The following FGD5 variants were observed in gnomAD, a reference collection of about 807,000 sequenced individuals.
FGD5 encodes the protein FYVE, RhoGEF and PH domain-containing protein 5.
Under a neutral mutation model 133.4 loss-of-function variants are expected in FGD5, and 28 were observed. The observed-to-expected ratio is 0.21, with a 90% CI of 0.16 to 0.29. FGD5 has a LOEUF of 0.29. FGD5 is among the 10% of genes least tolerant of loss of function. The probability of loss-of-function intolerance (pLI) is 1.00; values close to 1 mark genes in which losing one functional copy is unlikely to be tolerated. For synonymous variants in FGD5, 810 were observed against 776.5 expected (o/e 1.04, Z -0.72); for missense variants, 1,858 against 1,895.2 (o/e 0.98, Z 0.36).
At chr3:14,903,389 C>A (rs902080469) in intron 9 of FGD5, among the ~76,000 whole-genome samples, 20 of 151,912 alleles carry the variant, frequency 1.3e-4, no homozygotes, top group Admixed American at 9.8e-4. Context: ...TTTTAGGGTA[C>A]ATGTGCACAA....
At chr3:14,903,019 C>T (rs2038271652) in intron 9 of FGD5, among the ~76,000 whole-genome samples, 1 of 152,212 alleles carries the variant, frequency 6.6e-6, no homozygotes, top group Non-Finnish European at 1.5e-5. Flanking sequence ...CCAGAGGCCC[C>T]TAGCCCATGC....
At chr3:14,912,928 C>G (rs751682570) in intron 11 of FGD5, among the ~76,000 whole-genome samples, 1 of 151,974 alleles carries the variant, frequency 6.6e-6, no homozygotes, top group Non-Finnish European at 1.5e-5. Context: ...CCTAGCTACT[C>G]AGGAGGCAGA....
At chr3:14,857,240 C>T (rs1575211948) in intron 1 of FGD5, among the ~76,000 whole-genome samples, 1 of 149,280 alleles carries the variant, frequency 6.7e-6, no homozygotes, top group Non-Finnish European at 1.5e-5. Context: ...GCCTCCACCC[C>T]CCCAGGCTCA....
intron 10 of FGD5, 135 bp from the exon 11 acceptor site, chr3:14,910,726 G>A: frequency 1.5e-6 from 1 of 676,566 alleles, no homozygotes. Context: ...TATGATTTAA[G>A]TTTCCACTCA....
At position 14,821,377 on chromosome 3, in the gene FGD5, C is replaced by T. The variant is rs778185362; in HGVS notation, c.2306C>T (p.Ala769Val). 16 of 1,613,902 alleles carry T rather than the reference C, an allele frequency of 9.9e-6. No homozygotes were observed. The highest frequency in any genetic ancestry group is 8.0e-5 in the African/African-American group (6 of 74,916). Reference protein sequence around the residue: ...TKPRSISFPSADTSDYENIPA... With the variant: ...TKPRSISFPSVDTSDYENIPA... ...CCACGGTCCATCTCCTTCCCCAGCGCTGACACTTCAGACTATGAGAACATT... is the reference window on the plus strand; with the variant it reads ...CCACGGTCCATCTCCTTCCCCAGCGTTGACACTTCAGACTATGAGAACATT... Residue 769 changes from alanine (A) to valine (V), a missense_variant, in exon 1 of 20, where the codon GCT becomes GTT. Transcript: ENST00000285046.
chr3:14,844,116 C>T (rs2036980206), intron 1 of FGD5, among the ~76,000 whole-genome samples: 1 of 147,206 alleles, frequency 6.8e-6, no homozygotes, highest in Non-Finnish European at 1.5e-5. Flanking sequence ...AGTGGCTTGT[C>T]CAGGGTTGCA....
In FGD5 at chr3:14,924,073, G is replaced by A. The variant is rs112495230; in HGVS notation, c.4003G>A (p.Val1335Ile). The A allele has an allele frequency of 7.1e-4, 1,140 of 1,613,984 alleles. 5 individuals carry two copies. In the East Asian group the frequency reaches 9.8e-3, roughly 14 times the overall value. ...PRFSGSAFSS[V>I]FQSINPSTFK... ...CTTCTCGGGCAGTGCCTTTTCATCC[G>A]TCTTCCAGAGCATTAACCCCTCGAC... Residue 1335 changes from valine (V) to isoleucine (I), a missense_variant, in exon 17 of 20, where the codon GTC (valine) becomes ATC (isoleucine). By Grantham distance (29) the Val-to-Ile change is conservative. Around this residue, in one of 3 missense-constraint regions of FGD5, gnomAD observed 1,824 missense variants for 1,848.9 expected, o/e 0.99. Coordinates refer to ENST00000285046, the MANE Select transcript of FGD5 (RefSeq NM_152536.4).
chr3:14,882,240 A>G lies in FGD5; in HGVS notation c.2748+1468A>G, dbSNP rs563247218. ...TCTCCCTTATTTCTGGGCTGACAGC[A>G]TGACAGAGGGGCTGGGCAATTTTGT... On this transcript the variant is annotated intron_variant, in intron 4 of 19. Transcript: ENST00000285046. The G allele has an allele frequency of 1.5e-5, 14 of 946,670 alleles. No homozygotes were observed. In the South Asian group the frequency reaches 5.9e-4, roughly 40 times the overall value. 58.6% of individuals were successfully genotyped at this position (946,670 alleles called of 1,614,324 possible).
chr3:14,821,590 C>A lies in FGD5; in HGVS notation c.2519C>A (p.Ala840Glu). The stretch of plus-strand genomic sequence containing the variant: ...AAACAGCAGAGTGCAGACCAGGACG[C>A]AGAAAGGTACCTGACATTCTATTTC... ...ESKQQSADQDAESAYTEPYKV... is the reference protein window; with the variant it reads ...ESKQQSADQDEESAYTEPYKV... The change falls in exon 1 of 20, where the codon GCA (alanine) becomes GAA (glutamate). Residue 840 changes from alanine to glutamate, a missense_variant. By Grantham distance (107) the Ala-to-Glu change is moderately radical. Transcript: ENST00000285046. The A allele has an allele frequency of 6.3e-7, 1 of 1,587,744 alleles. No individual in the cohort carries two copies.
At chr3:14,867,893 T>C (rs1185245036) in intron 2 of FGD5, among the ~76,000 whole-genome samples, 1 of 151,774 alleles carries the variant, frequency 6.6e-6, no homozygotes, top group Non-Finnish European at 1.5e-5. Flanking sequence ...GATTGAGGAG[T>C]GGTCACCCTG....
intron 1 of FGD5, among the ~76,000 whole-genome samples, chr3:14,838,989 A>G (rs1256164328): frequency 6.6e-6 from 1 of 152,208 alleles, no homozygotes; most frequent in Non-Finnish European, 1.5e-5. Flanking sequence ...ACACAGTTGC[A>G]CAGCTTTGTA....
At chr3:14,911,883 G>C (rs2038455550) in intron 11 of FGD5, among the ~76,000 whole-genome samples, 1 of 151,286 alleles carries the variant, frequency 6.6e-6, no homozygotes, top group Non-Finnish European at 1.5e-5. Flanking sequence ...TGTCTGCTGG[G>C]TGCGCACACT....
intron 4 of FGD5, chr3:14,897,169 G>A (rs979437415): frequency 2.4e-5 from 6 of 248,320 alleles, no homozygotes; most frequent in Admixed American, 5.6e-5. Flanking sequence ...CTTCTGCTTC[G>A]TTATAGAAGG....
chr3:14,872,731 A>G (rs1205914155), intron 2 of FGD5, among the ~76,000 whole-genome samples: 1 of 152,268 alleles, frequency 6.6e-6, no homozygotes, highest in Non-Finnish European at 1.5e-5. Flanking sequence ...CACTCAGTGC[A>G]CAGCCTCCTC....
chr3:14,819,267 A>G lies in FGD5; in HGVS notation c.196A>G (p.Ile66Val), dbSNP rs1004400262. ...TGAGTCGGAGACCGACGAGGATTAC[A>G]TCGTGGTCCCCAGGGTTCCGCTGAG... ...CSESETDEDY[I>V]VVPRVPLRED... The change falls in exon 1 of 20, where the codon ATC becomes GTC. Residue 66 changes from isoleucine to valine, a missense_variant. Coordinates refer to ENST00000285046, the MANE Select transcript of FGD5 (RefSeq NM_152536.4). The surrounding 1 kb of genome is among the most constrained non-coding windows in gnomAD (Gnocchi z 4.1). The G allele has an allele frequency of 1.3e-6, 2 of 1,534,980 alleles. No individual in the cohort carries two copies. The highest frequency in any genetic ancestry group is 1.8e-6 in the Non-Finnish European group (2 of 1,138,744).
intron 2 of FGD5, among the ~76,000 whole-genome samples, chr3:14,880,183 T>C (rs1054716293): frequency 2.0e-5 from 3 of 151,970 alleles, no homozygotes; most frequent in African/African-American, 7.3e-5. Context: ...TGAGACCCTG[T>C]CTCTACAAAA....
rs773765890 is a variant in FGD5 at position 14,879,660 on chromosome 3, T to C, written c.2659-912T>C. On this transcript the variant is annotated intron_variant, in intron 2 of 19. Coordinates refer to ENST00000285046, the MANE Select transcript of FGD5 (RefSeq NM_152536.4). ...GTCATGCAGATGTGGGAGTTCCTGG[T>C]CCCTGCCCTCCTGGAGAGATGTAAT... is the stretch of plus-strand genomic sequence containing the variant. Among the ~76,000 whole-genome samples, 3 of 152,216 alleles carry C rather than the reference T, an allele frequency of 2.0e-5. No homozygotes were observed. The South Asian group carries it at 6.2e-4, about 31-fold the overall frequency.
chr3:14,925,098 C>T (rs1182038312), intron 17 of FGD5, among the ~76,000 whole-genome samples: 2 of 31,170 alleles, frequency 6.4e-5, no homozygotes, highest in Non-Finnish European at 1.0e-4. Flanking sequence ...AAGACTCTGT[C>T]TCAAAAAAAA....
At chr3:14,857,089 T>C (rs923896244) in intron 1 of FGD5, among the ~76,000 whole-genome samples, 6 of 152,182 alleles carry the variant, frequency 3.9e-5, no homozygotes, top group African/African-American at 1.4e-4. Context: ...CACGAAGGGA[T>C]GTTGAATATT....
Sources: gnomAD v4.1 joint callset for allele counts (sites outside exome capture counted in the v4.1 genomes callset) on GRCh38, gnomAD v4.1.1 for gene constraint, gnomAD v4.1.1 regional missense constraint, Gnocchi (gnomAD v3.1) non-coding constraint, MANE v1.5 for transcripts, NCBI Gene and HGNC (gene_info 2026-07-23, HGNC 2026-07-21) for gene names.